Variants in BICD2 observed in about 807,000 individuals in gnomAD.
BICD2 encodes BICD cargo adaptor 2.
Under a neutral mutation model 72.9 loss-of-function variants are expected in BICD2, and 25 were observed. That is an observed-to-expected ratio of 0.34 (90% confidence interval 0.25 to 0.48). The LOEUF (loss-of-function observed/expected upper bound fraction) is 0.48, where lower values mean the gene tolerates loss of function less well. Ranked by LOEUF, BICD2 falls within the 20% of genes least tolerant of loss-of-function variation. The probability of loss-of-function intolerance (pLI) is 0.99; values close to 1 mark genes in which losing one functional copy is unlikely to be tolerated. For synonymous variants in BICD2, 501 were observed against 516.1 expected (o/e 0.97, Z 0.40); for missense variants, 894 against 1,175.2 (o/e 0.76, Z 3.50).
At chr9:92,748,752 C>A (rs1854074828) in intron 1 of BICD2, among the ~76,000 whole-genome samples, 2 of 152,146 alleles carry the variant, frequency 1.3e-5, no homozygotes, top group African/African-American at 2.4e-5. Context: ...CAGATACAGG[C>A]AACAAAGGAT....
At position 92,738,198 on chromosome 9, in the gene BICD2, T is replaced by C. The variant is rs1853828192; in HGVS notation, c.241-8962A>G. Reference sequence around the variant, plus strand: ...ATGGGGCTACGGGGCCAAGTTCCCATGGTTGGGCGTGTGTAAGCCCACCCT... The same window carrying C: ...ATGGGGCTACGGGGCCAAGTTCCCACGGTTGGGCGTGTGTAAGCCCACCCT... On this transcript the variant is annotated intron_variant, in intron 1 of 6. Transcript: ENST00000356884. Among the ~76,000 whole-genome samples, 6 of 152,308 alleles carry C rather than the reference T, an allele frequency of 3.9e-5. No homozygotes were observed. The South Asian group carries it at 8.3e-4, about 21-fold the overall frequency.
At chr9:92,749,206 T>G (rs1371185749) in intron 1 of BICD2, among the ~76,000 whole-genome samples, 2 of 151,902 alleles carry the variant, frequency 1.3e-5, no homozygotes, top group African/African-American at 2.4e-5. Context: ...GGAACTGGGG[T>G]CCAGGCCAGG....
In BICD2 at chr9:92,756,121, A is replaced by C. The variant is rs115351841; in HGVS notation, c.240+8384T>G. On this transcript the variant is annotated intron_variant, in intron 1 of 6. Transcript: ENST00000356884. ...TTAGAAGGGCTTGGCATCTACACCC[A>C]CTAGATGACAACATCACCTCAGGTG... Among the ~76,000 whole-genome samples, 1,373 of 152,346 alleles carry C rather than the reference A, an allele frequency of 9.0e-3. 23 individuals are homozygous for C. The highest frequency in any genetic ancestry group is 0.032 in the African/African-American group (1,325 of 41,574).
intron 6 of BICD2, among the ~76,000 whole-genome samples, chr9:92,716,532 ATG>A (rs1853317273): frequency 1.2e-5 from 1 of 81,680 alleles, no homozygotes; most frequent in East Asian, 2.9e-3. Flanking sequence ...CCCTATGTGC[ATG>A]CAGTTCCCAC....
rs1853485831 is a variant in BICD2, at chr9:92,722,618, C to T, written c.606+38G>A. 3 of 1,612,554 alleles carry T rather than the reference C, an allele frequency of 1.9e-6. No individual in the cohort carries two copies. The African/African-American group carries it at 4.0e-5, about 22-fold the overall frequency. Reference sequence around the variant, plus strand: ...CAAGAGGTCCTCAAGGCCCAGTTAACCCACGTGCCACCTCCACCCCACAGG... The same window carrying T: ...CAAGAGGTCCTCAAGGCCCAGTTAATCCACGTGCCACCTCCACCCCACAGG... On this transcript the variant is annotated intron_variant, in intron 3 of 6. Coordinates refer to ENST00000356884, the MANE Select transcript of BICD2 (RefSeq NM_001003800.2).
At chr9:92,717,320 G>A (rs1360254465) in intron 6 of BICD2, among the ~76,000 whole-genome samples, 1 of 152,246 alleles carries the variant, frequency 6.6e-6, no homozygotes, top group Non-Finnish European at 1.5e-5. Context: ...TATATGCAAA[G>A]CAGAGACAAG....
chr9:92,754,538 A>T (rs1270829192), intron 1 of BICD2, among the ~76,000 whole-genome samples: 1 of 152,228 alleles, frequency 6.6e-6, no homozygotes, highest in Non-Finnish European at 1.5e-5. Context: ...CAATCAGTGA[A>T]CAGGGAAGTG....
intron 1 of BICD2, among the ~76,000 whole-genome samples, chr9:92,754,090 A>G (rs908600256): frequency 6.6e-6 from 1 of 151,710 alleles, no homozygotes; most frequent in Non-Finnish European, 1.5e-5. Flanking sequence ...GCTTGCAGTA[A>G]GCCAAGATCG....
Position 92,720,530 on chromosome 9 carries a change from C to T in BICD2, c.832G>A (p.Val278Ile). 6.2e-7 allele frequency: 1 copy of T among 1,614,198 alleles called. No individual in the cohort carries two copies. Among genetic ancestry groups the T allele is most frequent in the Non-Finnish European group, 8.5e-7 (1 of 1,180,036 alleles). The change falls in exon 4 of 7, where the codon GTC becomes ATC. Residue 278 changes from valine to isoleucine, a missense_variant. Physicochemically the swap from Val to Ile is conservative, Grantham distance 29. Around this residue, in one of 5 missense-constraint regions of BICD2, gnomAD observed 371 missense variants for 439.1 expected, o/e 0.84. Coordinates refer to ENST00000356884, the MANE Select transcript of BICD2 (RefSeq NM_001003800.2). The surrounding 1 kb of genome is among the most constrained non-coding windows in gnomAD (Gnocchi z 5.4). ...NDSFYTSHLHVSLDGLKFSDD... is the reference protein window; with the variant it reads ...NDSFYTSHLHISLDGLKFSDD... ...CTGAACTTGAGGCCATCCAGCGAGA[C>T]ATGCAGGTGGCTGGTGTAGAAGGAG...
chr9:92,728,701 C>G (rs1345014943), intron 2 of BICD2, among the ~76,000 whole-genome samples: 1 of 152,254 alleles, frequency 6.6e-6, no homozygotes, highest in African/African-American at 2.4e-5. Context: ...GGCATCAGCC[C>G]TTAGCCTCCA....
intron 1 of BICD2, among the ~76,000 whole-genome samples, chr9:92,758,583 G>C (rs1854311044): frequency 6.8e-6 from 1 of 147,802 alleles, no homozygotes; most frequent in South Asian, 2.1e-4. Flanking sequence ...GGGCGTGGTG[G>C]CTCATGCCTG....
chr9:92,753,495 T>C (rs1382002281), intron 1 of BICD2, among the ~76,000 whole-genome samples: 5 of 152,186 alleles, frequency 3.3e-5, no homozygotes, highest in Non-Finnish European at 1.5e-5. Context: ...TCTAAAGTAG[T>C]TCATTTTTTA....
intron 1 of BICD2, among the ~76,000 whole-genome samples, chr9:92,742,576 G>T (rs1209911459): frequency 6.6e-6 from 1 of 151,922 alleles, no homozygotes; most frequent in Non-Finnish European, 1.5e-5. Flanking sequence ...AGTAGAGATG[G>T]GGTTTCACCA....
Position 92,720,480 on chromosome 9 carries a change from G to A in BICD2, c.882C>T (p.Asn294=), listed in dbSNP as rs760001632. Residue 294 remains asparagine, a synonymous_variant, in exon 4 of 7, where the codon AAC becomes AAT. Transcript: ENST00000356884. This position sits in a 1 kb window ranked among gnomAD's most constrained non-coding sequence, Gnocchi z 5.4. The part of the protein sequence containing the change: ...KFSDDAAEPN[N]DAEALVNGFE... Reference sequence around the variant, plus strand: ...AGCCATTGACCAGGGCCTCGGCATCGTTGTTGGGCTCGGCAGCATCGTCAC... The same window carrying A: ...AGCCATTGACCAGGGCCTCGGCATCATTGTTGGGCTCGGCAGCATCGTCAC... The A allele has an allele frequency of 1.7e-5, 28 of 1,614,202 alleles. No individual in the cohort carries two copies. The highest frequency in any genetic ancestry group is 4.0e-5 in the African/African-American group (3 of 75,068).
chr9:92,713,810 C>T lies in BICD2; in HGVS notation c.*1344G>A, dbSNP rs1336072091. ...TCCTGGAGTCTGGAGGGGACCGAAA[C>T]ATACTCGGCACCAAAGGGAAGAACG... On this transcript the variant is annotated 3_prime_UTR_variant, in exon 7 of 7. Coordinates refer to ENST00000356884, the MANE Select transcript of BICD2 (RefSeq NM_001003800.2). 8.9e-7 allele frequency: 1 copy of T among 1,129,542 alleles called. No individual in the cohort carries two copies. Among genetic ancestry groups the T allele is most frequent in the Non-Finnish European group, 1.1e-6 (1 of 915,158 alleles). The allele number at this position is 1,129,542 out of a possible 1,614,324, so 70.0% of individuals were successfully genotyped here.
intron 1 of BICD2, among the ~76,000 whole-genome samples, chr9:92,755,308 C>T (rs986479637): frequency 3.3e-5 from 5 of 152,146 alleles, no homozygotes; most frequent in Non-Finnish European, 7.4e-5. Flanking sequence ...CAATGGTGCC[C>T]GAAACTTCAT....
chr9:92,735,466 T>C (rs971391809), intron 1 of BICD2, among the ~76,000 whole-genome samples: 5 of 151,742 alleles, frequency 3.3e-5, no homozygotes, highest in South Asian at 2.1e-4. Context: ...TCTGAGGGAA[T>C]AGCACGAGCA....
Position 92,729,960 on chromosome 9 carries a change from C to T in BICD2, c.241-724G>A, listed in dbSNP as rs546575011. ...TGCTCACCTAGCCCAGGACGCCCACCTGCCCACGCACCTGAGAGTCGACAG... is the reference window on the plus strand; with the variant it reads ...TGCTCACCTAGCCCAGGACGCCCACTTGCCCACGCACCTGAGAGTCGACAG... On this transcript the variant is annotated intron_variant, in intron 1 of 6. Transcript: ENST00000356884. Among the ~76,000 whole-genome samples the T allele has an allele frequency of 2.0e-5, 3 of 152,350 alleles. No homozygotes were observed. The South Asian group carries it at 6.2e-4, about 32-fold the overall frequency.
intron 1 of BICD2, among the ~76,000 whole-genome samples, chr9:92,748,265 T>G (rs907784953): frequency 6.6e-6 from 1 of 152,086 alleles, no homozygotes; most frequent in Non-Finnish European, 1.5e-5. Context: ...GTTCTCCACT[T>G]GGGGGGTTGT....
Sources: allele counts gnomAD v4.1 joint callset (sites outside exome capture counted in the v4.1 genomes callset), GRCh38; gene constraint gnomAD v4.1.1; regional missense constraint gnomAD v4.1.1; non-coding constraint Gnocchi (gnomAD v3.1); transcripts MANE v1.5; gene names NCBI Gene and HGNC (gene_info 2026-07-23, HGNC 2026-07-21).